The following MCC variants were observed in gnomAD, a reference collection of about 807,000 sequenced individuals.
MCC encodes the protein colorectal mutant cancer protein.
MCC carries 90 observed loss-of-function variants against 116.2 expected under a neutral mutation model. The observed-to-expected ratio is 0.77, with a 90% confidence interval of 0.65 to 0.92. The LOEUF is 0.92. MCC is among the 40% of genes least tolerant of loss of function. MCC has a pLI of 0.00. For missense variants in MCC, 1,516 were observed against 1,312.2 expected (o/e 1.16, Z -2.40); for synonymous variants, 578 against 510.5 (o/e 1.13, Z -1.78).
At chr5:113,237,531 T>G (rs998785643) in intron 3 of MCC, among the ~76,000 whole-genome samples, 4 of 151,980 alleles carry the variant, frequency 2.6e-5, no homozygotes, top group African/African-American at 7.3e-5. Context: ...GGTCAGAAAA[T>G]TACCTAATCT....
chr5:113,193,587 C>G (rs1029328828), intron 3 of MCC, among the ~76,000 whole-genome samples: 18 of 152,182 alleles, frequency 1.2e-4, no homozygotes, highest in African/African-American at 4.1e-4. Context: ...TTTGTGTATG[C>G]GTGGGTGTGG....
chr5:113,170,181 C>T (rs1465634809), intron 3 of MCC, among the ~76,000 whole-genome samples: 1 of 152,182 alleles, frequency 6.6e-6, no homozygotes, highest in Non-Finnish European at 1.5e-5. Context: ...ATGGTAGTGT[C>T]TTAATCTAAA....
intron 4 of MCC, among the ~76,000 whole-genome samples, chr5:113,144,114 G>A (rs774633084): frequency 1.3e-5 from 2 of 152,132 alleles, no homozygotes; most frequent in African/African-American, 4.8e-5. Flanking sequence ...ATATATCATC[G>A]TCATGAAAAC....
intron 1 of MCC, among the ~76,000 whole-genome samples, chr5:113,400,927 T>C (rs534794996): frequency 1.3e-5 from 2 of 152,344 alleles, no homozygotes; most frequent in South Asian, 2.1e-4. Context: ...TAGCTCTTAA[T>C]ATATCAGTGT....
chr5:113,088,075 C>T (rs898395646), intron 8 of MCC, among the ~76,000 whole-genome samples: 4 of 152,142 alleles, frequency 2.6e-5, no homozygotes, highest in African/African-American at 9.7e-5. Context: ...TTAAAAACTT[C>T]GGACCCAGAG....
intron 3 of MCC, among the ~76,000 whole-genome samples, chr5:113,319,744 T>G (rs2150370762): frequency 6.6e-6 from 1 of 152,342 alleles, no homozygotes; most frequent in South Asian, 2.1e-4. Flanking sequence ...CATTCAAACA[T>G]GTTGGCTCTA....
intron 1 of MCC, among the ~76,000 whole-genome samples, chr5:113,475,475 T>C (rs1489508322): frequency 6.6e-6 from 1 of 152,224 alleles, no homozygotes; most frequent in Non-Finnish European, 1.5e-5. Flanking sequence ...TCCCATCAGT[T>C]AGAGTCATCG....
At chr5:113,284,884 G>A (rs1026426418) in intron 3 of MCC, among the ~76,000 whole-genome samples, 2 of 152,186 alleles carry the variant, frequency 1.3e-5, no homozygotes, top group African/African-American at 2.4e-5. Flanking sequence ...ATTCTAAATA[G>A]TTGAAGGAAA....
At chr5:113,294,609 G>A (rs887293807) in intron 3 of MCC, 2 of 1,174,306 alleles carry the variant, frequency 1.7e-6, no homozygotes, top group African/African-American at 1.6e-5. Context: ...CAGGAGGCTC[G>A]GTGGCGCGGC....
chr5:113,483,585 C>T (rs1772435710), intron 1 of MCC, among the ~76,000 whole-genome samples: 1 of 151,804 alleles, frequency 6.6e-6, no homozygotes, highest in African/African-American at 2.4e-5. Flanking sequence ...TTTTATATAA[C>T]CCAAAAGAAG....
chr5:113,442,547 C>T (rs7735806), intron 1 of MCC, among the ~76,000 whole-genome samples: 17,569 of 152,062 alleles, frequency 0.12, 1,759 homozygotes, highest in African/African-American at 0.27. Context: ...CATTGCTTTT[C>T]GTGTTTTAGA....
chr5:113,287,488 G>A (rs376693448), intron 3 of MCC, among the ~76,000 whole-genome samples: 3 of 152,094 alleles, frequency 2.0e-5, no homozygotes, highest in Admixed American at 6.5e-5. Context: ...CACCATGCCC[G>A]GCTAACTTTT....
chr5:113,225,775 C>T (rs901355150), intron 3 of MCC, among the ~76,000 whole-genome samples: 1 of 152,166 alleles, frequency 6.6e-6, no homozygotes, highest in African/African-American at 2.4e-5. Flanking sequence ...AATGGAATGT[C>T]AGAACCAGAA....
chr5:113,282,539 C>A (rs751438073), intron 3 of MCC, among the ~76,000 whole-genome samples: 1 of 152,134 alleles, frequency 6.6e-6, no homozygotes, highest in Non-Finnish European at 1.5e-5. Context: ...GAGACAGAGA[C>A]AGAGAGAGGA....
At chr5:113,081,425 C>T (rs558680487) in intron 11 of MCC, among the ~76,000 whole-genome samples, 37 of 152,300 alleles carry the variant, frequency 2.4e-4, no homozygotes, top group African/African-American at 8.4e-4. Context: ...CTGTTAAACA[C>T]CATAATAACA....
chr5:113,263,316 G>A (rs1451804162), intron 3 of MCC, among the ~76,000 whole-genome samples: 6 of 152,150 alleles, frequency 3.9e-5, no homozygotes, highest in Admixed American at 2.6e-4. Context: ...GAAGGAAGAA[G>A]GAGGAAATGG....
At chr5:113,194,096 T>C (rs200454432) in intron 3 of MCC, among the ~76,000 whole-genome samples, 1 of 152,088 alleles carries the variant, frequency 6.6e-6, no homozygotes, top group African/African-American at 2.4e-5. Flanking sequence ...AGGACTCCTA[T>C]AGATCTAAGC....
intron 11 of MCC, among the ~76,000 whole-genome samples, chr5:113,076,021 G>A (rs546158438): frequency 2.1e-4 from 32 of 152,170 alleles, no homozygotes; most frequent in Middle Eastern, 3.4e-3. Flanking sequence ...AAGAAACTCC[G>A]GACACGTCTG....
chr5:113,137,846 T>C (rs1445824196), intron 5 of MCC, among the ~76,000 whole-genome samples: 24 of 152,110 alleles, frequency 1.6e-4, no homozygotes, highest in African/African-American at 5.8e-4. Flanking sequence ...TGAAAAAGGT[T>C]ACCTCTCAGA....
Sources: gnomAD v4.1 joint callset for allele counts (sites outside exome capture counted in the v4.1 genomes callset) on GRCh38, gnomAD v4.1.1 for gene constraint, MANE v1.5 for transcripts, NCBI Gene and HGNC (gene_info 2026-07-23, HGNC 2026-07-21) for gene names.